Variants in PDE4D observed in about 807,000 individuals in gnomAD.
PDE4D encodes phosphodiesterase 4D.
PDE4D carries 24 observed loss-of-function variants against 87.4 expected under a neutral mutation model. That is an observed-to-expected ratio of 0.27 (90% confidence interval 0.20 to 0.39). The LOEUF (loss-of-function observed/expected upper bound fraction) is 0.39. Ranked by LOEUF, PDE4D falls within the 10% of genes least tolerant of loss-of-function variation. The probability of loss-of-function intolerance (pLI) is 1.00; values close to 1 mark genes in which losing one functional copy is unlikely to be tolerated. For synonymous variants in PDE4D, 384 were observed against 383.2 expected (o/e 1.00, Z -0.02); for missense variants, 714 against 1,041.0 (o/e 0.69, Z 4.32).
chr5:59,047,070 T>C (rs190978977), intron 5 of PDE4D, among the ~76,000 whole-genome samples: 4 of 152,290 alleles, frequency 2.6e-5, no homozygotes, highest in African/African-American at 9.6e-5. Context: ...AGGTTGTGAG[T>C]TAAATAATCT....
chr5:60,419,563 C>T lies in PDE4D; in HGVS notation c.-90+68379G>A, dbSNP rs1265467692. On this transcript the variant is annotated intron_variant, in intron 1 of 16. Coordinates refer to the PDE4D transcript ENST00000502484. ...TTTTTTGCTACATATTCTTCTATAGCCTTTGAATTTTATTCATGTGAATCA... is the reference window on the plus strand; with the variant it reads ...TTTTTTGCTACATATTCTTCTATAGTCTTTGAATTTTATTCATGTGAATCA... Among the ~76,000 whole-genome samples, 5 of 150,908 alleles carry T rather than the reference C, an allele frequency of 3.3e-5. No individual in the cohort carries two copies. The East Asian group carries it at 9.7e-4, about 29-fold the overall frequency.
chr5:59,241,324 C>T (rs1011076624), intron 1 of PDE4D, among the ~76,000 whole-genome samples: 1 of 152,110 alleles, frequency 6.6e-6, no homozygotes, highest in Non-Finnish European at 1.5e-5. Context: ...TGAGGAGTGG[C>T]AACTGTGCCT....
intron 1 of PDE4D, among the ~76,000 whole-genome samples, chr5:60,279,706 A>ATTTT: frequency 7.0e-6 from 1 of 142,962 alleles, no homozygotes. Flanking sequence ...TTTTCTTGAG[A>ATTTT]CAGAGTCTCA....
chr5:60,436,364 A>T (rs956441381), intron 1 of PDE4D, among the ~76,000 whole-genome samples: 3 of 152,090 alleles, frequency 2.0e-5, no homozygotes, highest in Non-Finnish European at 4.4e-5. Flanking sequence ...TCCTCAATAA[A>T]GATTTTTAGA....
Position 60,194,021 on chromosome 5 carries a change from C to G in PDE4D, c.-89-8334G>C, listed in dbSNP as rs1740907289. 1.3e-5 allele frequency among the ~76,000 whole-genome samples: 2 copies of G among 151,568 alleles called. 1 individual carries two copies. The highest frequency in any genetic ancestry group is 3.0e-5 in the Non-Finnish European group (2 of 67,754). On this transcript the variant is annotated intron_variant, in intron 1 of 16. Transcript: ENST00000502484. Reference sequence around the variant, plus strand: ...CTGCTCTAGTTCTAACTGGTTCTCTCCCCTCAAGATCTAAATACTCTCTTG... The same window carrying G: ...CTGCTCTAGTTCTAACTGGTTCTCTGCCCTCAAGATCTAAATACTCTCTTG...
At chr5:59,197,815 C>T (rs1232430978) in intron 2 of PDE4D, among the ~76,000 whole-genome samples, 2 of 152,054 alleles carry the variant, frequency 1.3e-5, no homozygotes, top group Non-Finnish European at 2.9e-5. Context: ...CACATATGCT[C>T]AAAAAAATCC....
At chr5:59,334,247 GT>G (rs564248041) in intron 1 of PDE4D, among the ~76,000 whole-genome samples, 3,648 of 98,214 alleles carry the variant, frequency 0.037, 14 homozygotes, top group Non-Finnish European at 0.044. Context: ...ATCCAGTGGA[GT>G]TTTTTTTTTT....
chr5:59,166,731 G>C (rs1197326754), intron 5 of PDE4D, among the ~76,000 whole-genome samples: 1 of 152,162 alleles, frequency 6.6e-6, no homozygotes, highest in Non-Finnish European at 1.5e-5. Context: ...TTGACATTCT[G>C]TCTGGTGAAT....
intron 1 of PDE4D, among the ~76,000 whole-genome samples, chr5:60,442,469 G>A (rs1338995052): frequency 6.6e-6 from 1 of 151,430 alleles, no homozygotes; most frequent in Non-Finnish European, 1.5e-5. Context: ...GAGGGATAGA[G>A]GAAATACCTA....
chr5:59,194,276 T>A (rs921277933), intron 2 of PDE4D, among the ~76,000 whole-genome samples: 2 of 152,202 alleles, frequency 1.3e-5, no homozygotes, highest in African/African-American at 4.8e-5. Flanking sequence ...TTTCTTAGCA[T>A]GAATAATTTG....
intron 2 of PDE4D, among the ~76,000 whole-genome samples, chr5:60,019,414 C>T (rs72753258): frequency 0.1 from 15,194 of 152,196 alleles, 993 homozygotes; most frequent in Non-Finnish European, 0.14. Flanking sequence ...CTGACTTCTC[C>T]ACTCTAACTA....
At chr5:59,839,002 G>T (rs1318825327) in intron 1 of PDE4D, among the ~76,000 whole-genome samples, 5 of 151,900 alleles carry the variant, frequency 3.3e-5, no homozygotes, top group Admixed American at 6.6e-5. Context: ...CTGCTGATAG[G>T]GAAGAGGAAA....
chr5:59,138,426 T>C (rs1442723176), intron 5 of PDE4D, among the ~76,000 whole-genome samples: 1 of 152,226 alleles, frequency 6.6e-6, no homozygotes, highest in African/African-American at 2.4e-5. Context: ...TAGCTGGGAC[T>C]ACAGGTGCAT....
chr5:59,229,998 G>T (rs894276881), intron 1 of PDE4D, among the ~76,000 whole-genome samples: 1 of 152,126 alleles, frequency 6.6e-6, no homozygotes, highest in Non-Finnish European at 1.5e-5. Flanking sequence ...TGTTGGTCAG[G>T]CTGGTCTCGA....
chr5:59,929,500 C>CT (rs59271116), intron 3 of PDE4D, among the ~76,000 whole-genome samples: 13,698 of 147,082 alleles, frequency 0.093, 1,113 homozygotes, highest in African/African-American at 0.22. Flanking sequence ...TATCTACAGT[C>CT]TTTTTTTTTT....
intron 5 of PDE4D, among the ~76,000 whole-genome samples, chr5:59,079,666 T>TTAATAATAATAATAA (rs148255590): frequency 0.12 from 16,858 of 145,958 alleles, 1,159 homozygotes; most frequent in Middle Eastern, 0.23. Flanking sequence ...CTCTACAAAA[T>TTAATAATAATAATAA]TAATAATAAT....
At chr5:59,628,255 T>C (rs1461938879) in intron 1 of PDE4D, among the ~76,000 whole-genome samples, 1 of 152,104 alleles carries the variant, frequency 6.6e-6, no homozygotes. Flanking sequence ...CTGTGTGGTG[T>C]CATGAGAGGG....
intron 2 of PDE4D, among the ~76,000 whole-genome samples, chr5:59,198,826 A>G (rs942690065): frequency 2.0e-5 from 3 of 152,184 alleles, no homozygotes; most frequent in African/African-American, 7.2e-5. Context: ...GCAAGAAACT[A>G]AAAGCAAGAA....
chr5:60,358,812 A>G (rs1463077893), intron 1 of PDE4D, among the ~76,000 whole-genome samples: 8 of 152,254 alleles, frequency 5.3e-5, no homozygotes, highest in South Asian at 4.1e-4. Flanking sequence ...AATAACAGAC[A>G]TAAATGAAAT....
Sources: allele counts gnomAD v4.1 joint callset (sites outside exome capture counted in the v4.1 genomes callset), GRCh38; gene constraint gnomAD v4.1.1; transcripts MANE v1.5; gene names NCBI Gene and HGNC (gene_info 2026-07-23, HGNC 2026-07-21).